The following CDH18 variants were observed in gnomAD, a reference collection of about 807,000 sequenced individuals.
CDH18 encodes the protein cadherin-18.
Under a neutral mutation model 67.9 loss-of-function variants are expected in CDH18, and 31 were observed. The observed-to-expected ratio is 0.46, with a 90% CI of 0.34 to 0.62. The LOEUF is 0.62. CDH18 is among the 20% of genes least tolerant of loss of function. The probability of loss-of-function intolerance (pLI) is 0.01; values close to 1 mark genes in which losing one functional copy is unlikely to be tolerated. For synonymous variants in CDH18, 362 were observed against 347.2 expected, an observed-to-expected ratio of 1.04 and a Z score of -0.48; for missense variants, 890 against 975.5, an observed-to-expected ratio of 0.91 and a Z score of 1.17.
At chr5:20,046,234 T>G (rs1416990765) in intron 2 of CDH18, among the ~76,000 whole-genome samples, 1 of 151,926 alleles carries the variant, frequency 6.6e-6, no homozygotes, top group Admixed American at 6.6e-5. Flanking sequence ...ATATGAGGGA[T>G]GAAAGAAGTA....
intron 1 of CDH18, among the ~76,000 whole-genome samples, chr5:20,455,462 A>C (rs1388909178): frequency 6.6e-6 from 1 of 152,088 alleles, no homozygotes; most frequent in Non-Finnish European, 1.5e-5. Context: ...GGACAACATG[A>C]AAAGTGATTT....
chr5:19,705,114 C>G (rs1043834367), intron 5 of CDH18, among the ~76,000 whole-genome samples: 1 of 152,162 alleles, frequency 6.6e-6, no homozygotes, highest in Non-Finnish European at 1.5e-5. Flanking sequence ...AGCAGCTGAA[C>G]TTACTCGTAA....
At chr5:20,570,048 G>A (rs763233660) in intron 1 of CDH18, among the ~76,000 whole-genome samples, 1 of 152,138 alleles carries the variant, frequency 6.6e-6, no homozygotes, top group Non-Finnish European at 1.5e-5. Context: ...ACTAGGTGGT[G>A]CACAGGAGAA....
intron 2 of CDH18, among the ~76,000 whole-genome samples, chr5:19,915,851 C>G (rs6871983): frequency 0.33 from 50,317 of 151,408 alleles, 9,742 homozygotes; most frequent in Non-Finnish European, 0.43. Context: ...AATGCCTGGT[C>G]CAGCGACCAG....
chr5:19,802,764 T>C (rs1777602390), intron 3 of CDH18, among the ~76,000 whole-genome samples: 1 of 152,204 alleles, frequency 6.6e-6, no homozygotes, highest in South Asian at 2.1e-4. Flanking sequence ...GGCCAAAAAA[T>C]GCTCTTGTCT....
intron 2 of CDH18, among the ~76,000 whole-genome samples, chr5:20,156,011 G>A (rs73050778): frequency 0.058 from 8,783 of 152,118 alleles, 257 homozygotes; most frequent in East Asian, 0.14. Context: ...TCAAAGAAAT[G>A]AAAACTGAAA....
intron 1 of CDH18, among the ~76,000 whole-genome samples, chr5:20,321,120 A>G (rs1737985583): frequency 6.6e-6 from 1 of 152,134 alleles, no homozygotes. Context: ...TAGCTCTGCA[A>G]ACTCAGCAAG....
chr5:19,722,517 T>C (rs898143774), intron 4 of CDH18, among the ~76,000 whole-genome samples: 8 of 150,036 alleles, frequency 5.3e-5, no homozygotes, highest in African/African-American at 2.0e-4. Flanking sequence ...GATCGTGTCT[T>C]TGTGCTTACT....
chr5:20,113,161 T>A (rs190696648), intron 2 of CDH18, among the ~76,000 whole-genome samples: 50 of 152,326 alleles, frequency 3.3e-4, no homozygotes, highest in Non-Finnish European at 5.9e-5. Context: ...AGCATTTTAT[T>A]TCATTCTGGG....
At chr5:20,150,938 A>G (rs1339135864) in intron 2 of CDH18, among the ~76,000 whole-genome samples, 1 of 151,822 alleles carries the variant, frequency 6.6e-6, no homozygotes, top group African/African-American at 2.4e-5. Flanking sequence ...CTATATTTCT[A>G]TGTTTTATTC....
At position 20,280,260 on chromosome 5, in the gene CDH18, C is replaced by T. The variant is rs192414667; in HGVS notation, c.-579-24755G>A. Among the ~76,000 whole-genome samples, 186 of 151,472 alleles carry T rather than the reference C, an allele frequency of 1.2e-3. 1 individual carries two copies. Among genetic ancestry groups the T allele is most frequent in the African/African-American group, 4.3e-3 (179 of 41,258 alleles). ...TTTTAGGGTACATGTGCACAATGTGCAGGTCTGTTACATATGTACACATGT... is the reference window on the plus strand; with the variant it reads ...TTTTAGGGTACATGTGCACAATGTGTAGGTCTGTTACATATGTACACATGT... On this transcript the variant is annotated intron_variant, in intron 1 of 14. Coordinates refer to the CDH18 transcript ENST00000507958.
intron 1 of CDH18, among the ~76,000 whole-genome samples, chr5:20,450,288 A>G (rs755146067): frequency 4.6e-5 from 7 of 152,184 alleles, no homozygotes; most frequent in Non-Finnish European, 1.0e-4. Context: ...CGGAGGTTGC[A>G]GTGAGCTGAG....
intron 1 of CDH18, among the ~76,000 whole-genome samples, chr5:20,377,611 A>G (rs1342281377): frequency 1.3e-5 from 2 of 152,212 alleles, no homozygotes; most frequent in Admixed American, 6.5e-5. Context: ...AACACAGAGT[A>G]ATTTTTGGAA....
intron 2 of CDH18, among the ~76,000 whole-genome samples, chr5:20,058,618 A>G (rs1742199460): frequency 6.6e-6 from 1 of 152,208 alleles, no homozygotes; most frequent in African/African-American, 2.4e-5. Flanking sequence ...TAGCCAAAGA[A>G]TCATAGTATA....
intron 2 of CDH18, among the ~76,000 whole-genome samples, chr5:20,098,692 T>C (rs1746196283): frequency 6.6e-6 from 1 of 152,146 alleles, no homozygotes; most frequent in Non-Finnish European, 1.5e-5. Flanking sequence ...AAGAATATAC[T>C]ACACAGTAAT....
intron 7 of CDH18, among the ~76,000 whole-genome samples, chr5:19,585,211 T>C (rs1339558474): frequency 6.6e-6 from 1 of 152,112 alleles, no homozygotes; most frequent in Non-Finnish European, 1.5e-5. Flanking sequence ...TTTACCTTTG[T>C]TTTTCAGACC....
At chr5:20,431,452 C>T (rs1344464740) in intron 1 of CDH18, among the ~76,000 whole-genome samples, 1 of 146,724 alleles carries the variant, frequency 6.8e-6, no homozygotes, top group Non-Finnish European at 1.5e-5. Flanking sequence ...CGAGTTTGTG[C>T]CACTGCACTC....
At chr5:20,033,842 T>C (rs1207282785) in intron 2 of CDH18, among the ~76,000 whole-genome samples, 1 of 152,038 alleles carries the variant, frequency 6.6e-6, no homozygotes, top group African/African-American at 2.4e-5. Flanking sequence ...ATCAGTTATT[T>C]ACAGTTTAAT....
chr5:19,881,686 A>G (rs1787661782), intron 2 of CDH18, among the ~76,000 whole-genome samples: 5 of 151,796 alleles, frequency 3.3e-5, no homozygotes, highest in Admixed American at 2.6e-4. Flanking sequence ...TTATACTCTG[A>G]GTAGAAACAG....
Sources: gnomAD v4.1 joint callset for allele counts (sites outside exome capture counted in the v4.1 genomes callset) on GRCh38, gnomAD v4.1.1 for gene constraint, MANE v1.5 for transcripts, NCBI Gene and HGNC (gene_info 2026-07-23, HGNC 2026-07-21) for gene names.